Variants in NBEAL1 observed in about 807,000 individuals in gnomAD.
NBEAL1 encodes the protein neurobeachin-like protein 1.
NBEAL1 carries 273 observed loss-of-function variants against 351.3 expected under a neutral mutation model. The observed-to-expected ratio is 0.78, with a 90% CI of 0.70 to 0.86. The LOEUF (loss-of-function observed/expected upper bound fraction) is 0.86, where lower values mean the gene tolerates loss of function less well. NBEAL1 is among the 40% of genes least tolerant of loss of function. NBEAL1 has a pLI of 0.00. For synonymous variants in NBEAL1, 1,050 were observed against 1,086.4 expected, an observed-to-expected ratio of 0.97 and a Z score of 0.66; for missense variants, 2,961 against 3,201.3, an observed-to-expected ratio of 0.92 and a Z score of 1.81.
chr2:203,019,062 G>C (rs2060726631), intron 2 of NBEAL1, among the ~76,000 whole-genome samples: 1 of 152,080 alleles, frequency 6.6e-6, no homozygotes, highest in Non-Finnish European at 1.5e-5. Flanking sequence ...TGCTGTTTAT[G>C]TGTTGAAGAA....
At chr2:203,136,909 C>CCT in intron 29 of NBEAL1, 135 bp downstream of exon 29, 2 of 746,936 alleles carry the variant, frequency 2.7e-6, no homozygotes, top group Non-Finnish European at 4.2e-6. Context: ...GTGCTCAGTT[C>CCT]CTTTTCCTAT....
chr2:203,024,015 G>A (rs1160903643), intron 2 of NBEAL1, among the ~76,000 whole-genome samples: 3 of 151,930 alleles, frequency 2.0e-5, no homozygotes, highest in South Asian at 2.1e-4. Context: ...GGAGCCAGGA[G>A]TGACTGGGTT....
rs2061298673 is a variant in NBEAL1, at chr2:203,049,971, T to C, written c.301T>C (p.Cys101Arg). 1.9e-6 allele frequency: 3 copies of C among 1,551,168 alleles called. No individual in the cohort carries two copies. The highest frequency in any genetic ancestry group is 4.9e-5 in the East Asian group (2 of 41,054). Residue 101 changes from cysteine to arginine, a missense_variant, in exon 4 of 56, where the codon TGC (cysteine) becomes CGC (arginine). By Grantham distance (180) the Cys-to-Arg change is radical (BLOSUM62 -3). Transcript: ENST00000683969. ...GCTTGTCAAGTTCTTCATTATTCTT[T>C]GCAGGTATCTAGTAGAAAAAATAAG... is the stretch of plus-strand genomic sequence containing the variant. ...ILLVKFFIIL[C>R]RNLSNVEEIG...
intron 41 of NBEAL1, among the ~76,000 whole-genome samples, chr2:203,174,780 A>G (rs758337696): frequency 4.0e-5 from 6 of 151,796 alleles, no homozygotes; most frequent in Non-Finnish European, 7.4e-5. Context: ...AGTCCCAGCT[A>G]CTTGGGAGGC....
chr2:203,016,646 G>A (rs997771748), intron 2 of NBEAL1, among the ~76,000 whole-genome samples: 7 of 152,162 alleles, frequency 4.6e-5, no homozygotes, highest in Admixed American at 3.3e-4. Context: ...ACTGTAGGGT[G>A]CGGCTTTTAT....
rs557417333 is a variant in NBEAL1 at position 203,199,546 on chromosome 2, T to A, written c.7238+99T>A. ...GATTCATTTATTCTGAAAGAAATATTTTTTTTTTTTTTTTTTGAGACAGAG... is the reference window on the plus strand; with the variant it reads ...GATTCATTTATTCTGAAAGAAATATATTTTTTTTTTTTTTTTGAGACAGAG... On this transcript the variant is annotated intron_variant, in intron 49 of 55. Transcript: ENST00000683969. The A allele has an allele frequency of 5.6e-4, 160 of 285,976 alleles. 1 individual carries two copies. The highest frequency in any genetic ancestry group is 3.8e-3 in the South Asian group (44 of 11,638). The allele number at this position is 285,976 out of a possible 1,614,324, so 17.7% of individuals were successfully genotyped here. A position where few individuals can be genotyped will look rare whatever the true frequency, so the allele number is the denominator to read the frequency against.
At position 203,057,367 on chromosome 2, in the gene NBEAL1, A is replaced by C. The variant is rs777653035; in HGVS notation, c.429A>C (p.Thr143=). 1 of 1,551,820 alleles carries C rather than the reference A, an allele frequency of 6.4e-7. No individual in the cohort carries two copies. The highest frequency in any genetic ancestry group is 1.2e-5 in the South Asian group (1 of 84,162). Residue 143 remains threonine (T), a synonymous_variant, in exon 6 of 56, where the codon ACA becomes ACC. Coordinates refer to ENST00000683969, the MANE Select transcript of NBEAL1 (RefSeq NM_001378026.1). The stretch of plus-strand genomic sequence containing the variant: ...AAGAGAAGGAAATGGCAGATCAGAC[A>C]TGTATTGAAGAATTTGTGATCCACG... ...KKKEKEMADQ[T]CIEEFVIHAL... is the part of the protein sequence containing the mutation.
chr2:203,203,705 C>CA (rs1233712610), intron 51 of NBEAL1, among the ~76,000 whole-genome samples: 4 of 151,332 alleles, frequency 2.6e-5, no homozygotes, highest in East Asian at 1.9e-4. Context: ...GATCCTATCT[C>CA]AAAAAAAATT....
chr2:203,076,376 C>T (rs1020121995), intron 7 of NBEAL1, among the ~76,000 whole-genome samples: 4 of 150,932 alleles, frequency 2.7e-5, no homozygotes, highest in Non-Finnish European at 5.9e-5. Context: ...TCCCAGCTAC[C>T]TGGGAGGCCG....
At chr2:203,185,690 G>C (rs552040263) in intron 44 of NBEAL1, among the ~76,000 whole-genome samples, 1 of 152,168 alleles carries the variant, frequency 6.6e-6, no homozygotes, top group East Asian at 1.9e-4. Context: ...GCATCGAAAC[G>C]GTAGGATGCT....
Position 203,224,529 on chromosome 2 carries a change from A to G in NBEAL1, c.*7175A>G, listed in dbSNP as rs902144099. On this transcript the variant is annotated 3_prime_UTR_variant, in exon 56 of 56. Coordinates refer to ENST00000683969, the MANE Select transcript of NBEAL1 (RefSeq NM_001378026.1). ...TTTTCTGGGACTCCAATAGCATTTC[A>G]GTGTTATAGAGAGTGACAGTGACTT... Among the ~76,000 whole-genome samples the G allele has an allele frequency of 5.3e-5, 8 of 152,152 alleles. No individual in the cohort carries two copies. The highest frequency in any genetic ancestry group is 3.3e-4 in the Admixed American group (5 of 15,268).
chr2:203,166,044 CA>C (rs968471323), intron 36 of NBEAL1, 104 bp from the exon 37 acceptor site: 217 of 1,112,022 alleles, frequency 2.0e-4, no homozygotes, highest in Admixed American at 2.9e-4. Flanking sequence ...GACCTTGTCT[CA>C]AAAAAAAGAA....
At chr2:203,121,633 C>G (rs1180890758) in intron 18 of NBEAL1, among the ~76,000 whole-genome samples, 1 of 138,732 alleles carries the variant, frequency 7.2e-6, no homozygotes, top group African/African-American at 2.7e-5. Context: ...GCCTGGGTGA[C>G]AAGAGTGAGA....
rs764553494 is a variant in NBEAL1, at chr2:203,172,748, A to G, written c.6218A>G (p.Asp2073Gly). 6.2e-7 allele frequency: 1 copy of G among 1,610,844 alleles called. No individual in the cohort carries two copies. Among genetic ancestry groups the G allele is most frequent in the Admixed American group, 1.7e-5 (1 of 59,748 alleles). The stretch of plus-strand genomic sequence containing the variant: ...TTTTAGTTTCCCTGGATTTTACAAG[A>G]TTATACTTCGGAAGAGTTGGACCTT... ...QYPVFPWILQ[D>G]YTSEELDLNN... is the part of the protein sequence containing the mutation. Residue 2073 changes from aspartate to glycine, a missense_variant, in exon 41 of 56, where the codon GAT becomes GGT. Transcript: ENST00000683969.
chr2:203,142,872 A>G lies in NBEAL1; in HGVS notation c.4849-1728A>G, dbSNP rs140413121. ...GTGGGAAGAGGGATGGGTTGGGGGAAAATATGAGCAGGGTAGAGAAGTCAG... is the reference window on the plus strand; with the variant it reads ...GTGGGAAGAGGGATGGGTTGGGGGAGAATATGAGCAGGGTAGAGAAGTCAG... On this transcript the variant is annotated intron_variant, in intron 31 of 55. Transcript: ENST00000683969. Among the ~76,000 whole-genome samples, 1,397 of 152,202 alleles carry G rather than the reference A, an allele frequency of 9.2e-3. 17 individuals are homozygous for G. Among genetic ancestry groups the G allele is most frequent in the Non-Finnish European group, 0.012 (826 of 68,000 alleles).
rs1187804244 is a variant in NBEAL1, at chr2:203,218,821, G to A, written c.*1467G>A. On this transcript the variant is annotated 3_prime_UTR_variant, in exon 56 of 56. Transcript: ENST00000683969. ...TTTGAATAGATTTGATTTGATGTGA[G>A]TCAGGGCTAATAAAAAGCTATAGAA... 6.6e-6 allele frequency: 1 copy of A among 152,124 alleles called. No individual in the cohort carries two copies. The highest frequency in any genetic ancestry group is 1.5e-5 in the Non-Finnish European group (1 of 68,022). 9.4% of individuals were successfully genotyped at this position (152,124 alleles called of 1,614,324 possible). A position where few individuals can be genotyped will look rare whatever the true frequency, so the allele number is the denominator to read the frequency against.
intron 3 of NBEAL1, among the ~76,000 whole-genome samples, chr2:203,043,430 A>T (rs935637252): frequency 2.6e-5 from 4 of 152,096 alleles, no homozygotes; most frequent in African/African-American, 4.8e-5. Context: ...ATCTAGCCAC[A>T]AAAGGAGTGC....
At chr2:203,179,029 A>G (rs1428190900) in intron 42 of NBEAL1, among the ~76,000 whole-genome samples, 1 of 152,214 alleles carries the variant, frequency 6.6e-6, no homozygotes, top group African/African-American at 2.4e-5. Context: ...ATTAAATTCA[A>G]AATTCTGTTA....
intron 16 of NBEAL1, 101 bp downstream of exon 16, chr2:203,112,199 C>A: frequency 7.8e-7 from 1 of 1,274,000 alleles, no homozygotes; most frequent in Non-Finnish European, 1.1e-6. Flanking sequence ...ATATGTGGCC[C>A]CAGATTTTAA....
Sources: gnomAD v4.1 joint callset for allele counts (sites outside exome capture counted in the v4.1 genomes callset) on GRCh38, gnomAD v4.1.1 for gene constraint, MANE v1.5 for transcripts, NCBI Gene and HGNC (gene_info 2026-07-23, HGNC 2026-07-21) for gene names.